The following IFT57 variants were observed in gnomAD, a reference collection of about 807,000 sequenced individuals.
IFT57 encodes intraflagellar transport protein 57 homolog.
Under a neutral mutation model 56.8 loss-of-function variants are expected in IFT57, and 59 were observed. The ratio of observed to expected loss-of-function variants is 1.04; its 90% CI spans 0.84 to 1.29. The LOEUF (loss-of-function observed/expected upper bound fraction) is 1.29. IFT57 is among the 50% of genes most tolerant of loss of function. The probability of loss-of-function intolerance (pLI) is 0.00; values close to 1 mark genes in which losing one functional copy is unlikely to be tolerated. For synonymous variants in IFT57, 209 were observed against 186.1 expected (o/e 1.12, Z -1.00); for missense variants, 470 against 522.1 (o/e 0.90, Z 0.97).
rs114282568 is a variant in IFT57 at position 108,208,794 on chromosome 3, A to C, written c.586-2098T>G. On this transcript the variant is annotated intron_variant, in intron 4 of 10. Transcript: ENST00000264538. ...TACCTCTGAATCAACATGGCAAAGA[A>C]GGCAATTACTGTACTGGCTGGCATG... Among the ~76,000 whole-genome samples, 1,512 of 152,322 alleles carry C rather than the reference A, an allele frequency of 9.9e-3. 17 individuals are homozygous for C. Among genetic ancestry groups the C allele is most frequent in the African/African-American group, 0.034 (1,422 of 41,562 alleles).
chr3:108,177,851 G>C (rs2080132113), intron 6 of IFT57, among the ~76,000 whole-genome samples: 1 of 151,692 alleles, frequency 6.6e-6, no homozygotes, highest in Non-Finnish European at 1.5e-5. Context: ...TAGCAGGCAA[G>C]AGAAAGTAAA....
chr3:108,185,755 C>T (rs1385044615), intron 6 of IFT57, among the ~76,000 whole-genome samples: 4 of 151,770 alleles, frequency 2.6e-5, no homozygotes, highest in Non-Finnish European at 4.4e-5. Context: ...TTAGGACTGC[C>T]CTTATTTATA....
chr3:108,202,256 G>T (rs1003972255), intron 5 of IFT57, among the ~76,000 whole-genome samples: 1 of 152,170 alleles, frequency 6.6e-6, no homozygotes, highest in African/African-American at 2.4e-5. Context: ...GTTTCACAAG[G>T]GTGAAGGGAG....
chr3:108,166,408 G>C (rs2080063177), intron 8 of IFT57, among the ~76,000 whole-genome samples: 1 of 152,066 alleles, frequency 6.6e-6, no homozygotes, highest in South Asian at 2.1e-4. Flanking sequence ...GCTTGTCTCT[G>C]AATGTATCTT....
chr3:108,176,657 C>T (rs950138055), intron 6 of IFT57, among the ~76,000 whole-genome samples: 3 of 151,706 alleles, frequency 2.0e-5, no homozygotes, highest in Non-Finnish European at 4.4e-5. Context: ...ATTACTAAAA[C>T]AAGGATAAAT....
Position 108,218,552 on chromosome 3 carries a change from A to G in IFT57, c.477T>C (p.Ile159=). ...DCFAEEALKY[I]GFTWKRPIYP... is the part of the protein sequence containing the mutation. ...ATTTTTACCTTTTCCAGGTGAAACC[A>G]ATATATTTCAATGCTTCTTCAGCGA... Residue 159 remains isoleucine, a synonymous_variant, in exon 3 of 11, where the codon ATT becomes ATC. Coordinates refer to ENST00000264538, the MANE Select transcript of IFT57 (RefSeq NM_018010.4). The G allele has an allele frequency of 6.5e-7, 1 of 1,536,316 alleles. No homozygotes were observed. The highest frequency in any genetic ancestry group is 8.8e-7 in the Non-Finnish European group (1 of 1,138,218).
chr3:108,212,653 G>A (rs2080348982), intron 4 of IFT57, among the ~76,000 whole-genome samples: 1 of 151,996 alleles, frequency 6.6e-6, no homozygotes, highest in African/African-American at 2.4e-5. Context: ...TAATACAAAT[G>A]GCTATATAAT....
intron 6 of IFT57, among the ~76,000 whole-genome samples, chr3:108,169,559 C>A (rs1208095097): frequency 1.3e-5 from 2 of 151,896 alleles, no homozygotes; most frequent in African/African-American, 4.8e-5. Flanking sequence ...AAGTCTTTGC[C>A]CATGCCTATA....
chr3:108,176,538 T>C (rs963801741), intron 6 of IFT57, among the ~76,000 whole-genome samples: 5 of 151,880 alleles, frequency 3.3e-5, no homozygotes, highest in Non-Finnish European at 7.4e-5. Context: ...GTACATTAAA[T>C]GAATGTTTAT....
intron 5 of IFT57, among the ~76,000 whole-genome samples, chr3:108,195,551 CG>C (rs1169591350): frequency 1.3e-5 from 2 of 151,914 alleles, no homozygotes; most frequent in East Asian, 3.9e-4. Context: ...CCACAATAGC[CG>C]AGATAGGGAA....
At chr3:108,196,044 C>T (rs903838072) in intron 5 of IFT57, among the ~76,000 whole-genome samples, 9 of 151,980 alleles carry the variant, frequency 5.9e-5, no homozygotes, top group Non-Finnish European at 8.8e-5. Context: ...TGATTGATAG[C>T]CCAATTACCC....
intron 5 of IFT57, among the ~76,000 whole-genome samples, chr3:108,203,812 T>C (rs2080293333): frequency 6.6e-6 from 1 of 151,932 alleles, no homozygotes; most frequent in Non-Finnish European, 1.5e-5. Flanking sequence ...AAAAATAAAG[T>C]AGGGTGGGTG....
At chr3:108,202,603 C>T (rs1471573031) in intron 5 of IFT57, among the ~76,000 whole-genome samples, 1 of 152,124 alleles carries the variant, frequency 6.6e-6, no homozygotes, top group African/African-American at 2.4e-5. Context: ...GCCTTGAAGC[C>T]TAATATCCAT....
chr3:108,198,425 T>G (rs988869640), intron 5 of IFT57, among the ~76,000 whole-genome samples: 28 of 152,152 alleles, frequency 1.8e-4, no homozygotes, highest in African/African-American at 6.5e-4. Context: ...TCATGTTTGG[T>G]GTGTGCGTGT....
chr3:108,217,963 G>A (rs1281186829), intron 3 of IFT57, among the ~76,000 whole-genome samples: 1 of 151,172 alleles, frequency 6.6e-6, no homozygotes, highest in Admixed American at 6.6e-5. Context: ...TTTCTAGCAA[G>A]AATGTCAGAA....
intron 7 of IFT57, chr3:108,167,316 A>T (rs1054320350): frequency 5.0e-6 from 1 of 201,586 alleles, no homozygotes; most frequent in Admixed American, 6.1e-5. Context: ...GCACGATTCA[A>T]AGGTGACTGA....
At chr3:108,172,142 A>C (rs1268920319) in intron 6 of IFT57, among the ~76,000 whole-genome samples, 1 of 151,906 alleles carries the variant, frequency 6.6e-6, no homozygotes, top group Non-Finnish European at 1.5e-5. Context: ...ACACTGATGT[A>C]AAACTCCATG....
intron 5 of IFT57, among the ~76,000 whole-genome samples, chr3:108,198,829 C>T (rs1311215555): frequency 6.6e-6 from 1 of 152,082 alleles, no homozygotes; most frequent in East Asian, 1.9e-4. Flanking sequence ...GGGAGGAATC[C>T]AGCCTTTTCT....
intron 10 of IFT57, 42 bp from the exon 11 acceptor site, chr3:108,162,697 A>C: frequency 6.8e-7 from 1 of 1,475,252 alleles, no homozygotes; most frequent in Non-Finnish European, 9.2e-7. Flanking sequence ...GTTCATTTGG[A>C]GTATCAGTGT....
Sources: allele counts gnomAD v4.1 joint callset (sites outside exome capture counted in the v4.1 genomes callset), GRCh38; gene constraint gnomAD v4.1.1; transcripts MANE v1.5; gene names NCBI Gene and HGNC (gene_info 2026-07-23, HGNC 2026-07-21).